Variants in IL1RAPL1 observed in about 807,000 individuals in gnomAD.
IL1RAPL1 encodes the protein interleukin 1 receptor accessory protein like 1.
In IL1RAPL1, 3 loss-of-function variants were observed where a neutral mutation model predicts 48.4. The ratio of observed to expected loss-of-function variants is 0.06; its 90% confidence interval spans 0.03 to 0.16. The LOEUF is 0.16. Ranked by LOEUF, IL1RAPL1 falls within the 10% of genes least tolerant of loss-of-function variation. IL1RAPL1 has a pLI of 1.00. For synonymous variants in IL1RAPL1, 185 were observed against 187.7 expected (o/e 0.99, Z 0.12); for missense variants, 349 against 530.6 (o/e 0.66, Z 3.36).
intron 3 of IL1RAPL1, among the ~76,000 whole-genome samples, chrX:29,359,573 T>G (rs1253739200): frequency 8.9e-6 from 1 of 111,834 alleles, no homozygotes; most frequent in African/African-American, 3.3e-5. Context: ...TTTACATGGT[T>G]TTTTGTGTGT....
Position 29,955,571 on chromosome X carries a change from G to C in IL1RAPL1, c.1842G>C (p.Thr614=). 8.3e-7 allele frequency: 1 copy of C among 1,205,785 alleles called. No individual in the cohort carries two copies. The highest frequency in any genetic ancestry group is 1.1e-6 in the Non-Finnish European group (1 of 891,950). ...HPDLRSTFHN[T]YHSQMRQKHY... ...ATCTCCGTTCTACCTTTCACAACAC[G>C]TACCATTCACAAATGCGTCAGAAAC... Residue 614 remains threonine, a synonymous_variant, in exon 11 of 11, where the codon ACG becomes ACC. Transcript: ENST00000378993.
intron 2 of IL1RAPL1, among the ~76,000 whole-genome samples, chrX:28,926,570 T>C (rs1453598890): frequency 9.0e-6 from 1 of 111,621 alleles, no homozygotes; most frequent in Non-Finnish European, 1.9e-5. Flanking sequence ...TAAGTTGTGG[T>C]TTACAGGCTT....
At chrX:29,168,689 G>GTATATATATATTCATATATA (rs1569250888) in intron 2 of IL1RAPL1, among the ~76,000 whole-genome samples, 1 of 29,807 alleles carries the variant, frequency 3.4e-5, no homozygotes, top group African/African-American at 8.6e-5. Flanking sequence ...ATATTCATAT[G>GTATATATATATTCATATATA]TACAATTGTA....
At position 28,957,241 on chromosome X, in the gene IL1RAPL1, A is replaced by ACCTG. The variant is rs751028139; in HGVS notation, c.82+167818_82+167821dup. 4.6e-3 allele frequency among the ~76,000 whole-genome samples: 510 copies of ACCTG among 111,677 alleles called. 4 individuals are homozygous for ACCTG. Among genetic ancestry groups the ACCTG allele is most frequent in the African/African-American group, 0.016 (480 of 30,738 alleles). On this transcript the variant is annotated intron_variant, in intron 2 of 10. Transcript: ENST00000378993. ...TGGCACATGTATACATATGTAACTAACCTGCACAATGTGCACATGTACCCT... is the reference window on the plus strand; with the variant it reads ...TGGCACATGTATACATATGTAACTAACCTGCCTGCACAATGTGCACATGTACCCT...
intron 2 of IL1RAPL1, among the ~76,000 whole-genome samples, chrX:28,804,885 G>A (rs1338362831): frequency 1.8e-5 from 2 of 111,277 alleles, no homozygotes; most frequent in Non-Finnish European, 3.8e-5. Context: ...AGTTTGATAT[G>A]GATGGAATAC....
chrX:29,361,033 A>G (rs959693729), intron 3 of IL1RAPL1, among the ~76,000 whole-genome samples: 1 of 111,674 alleles, frequency 9.0e-6, no homozygotes, highest in African/African-American at 3.3e-5. Flanking sequence ...GATGCATACC[A>G]TCTCACACAA....
chrX:28,812,308 T>A (rs1601913718), intron 2 of IL1RAPL1, among the ~76,000 whole-genome samples: 2 of 111,055 alleles, frequency 1.8e-5, no homozygotes, highest in African/African-American at 6.5e-5. Context: ...AATTCAATTA[T>A]ATTGATTTGC....
intron 2 of IL1RAPL1, among the ~76,000 whole-genome samples, chrX:28,921,565 G>A (rs1016335478): frequency 5.4e-5 from 6 of 111,031 alleles, no homozygotes; most frequent in African/African-American, 2.0e-4. Flanking sequence ...CTTGCTGTGG[G>A]CAGCTAGCTG....
At chrX:28,912,922 A>G (rs759276462) in intron 2 of IL1RAPL1, among the ~76,000 whole-genome samples, 1 of 111,824 alleles carries the variant, frequency 8.9e-6, no homozygotes, top group Non-Finnish European at 1.9e-5. Context: ...TGTTTCCATT[A>G]AAAAGGTTTT....
At chrX:29,324,193 G>A (rs1932829142) in intron 3 of IL1RAPL1, among the ~76,000 whole-genome samples, 1 of 111,148 alleles carries the variant, frequency 9.0e-6, no homozygotes, top group Non-Finnish European at 1.9e-5. Flanking sequence ...CTTATCTCAT[G>A]TAGGAATGGA....
chrX:29,109,877 A>G (rs1928526386), intron 2 of IL1RAPL1, among the ~76,000 whole-genome samples: 1 of 112,017 alleles, frequency 8.9e-6, no homozygotes, highest in Admixed American at 9.5e-5. Context: ...AATTTCCAAT[A>G]TTAGATTACA....
At chrX:28,892,522 A>T (rs1262195636) in intron 2 of IL1RAPL1, among the ~76,000 whole-genome samples, 1 of 111,403 alleles carries the variant, frequency 9.0e-6, no homozygotes, top group Non-Finnish European at 1.9e-5. Flanking sequence ...CCGGATGTAT[A>T]TGTGTAGGTC....
chrX:29,535,112 C>A (rs1227003976), intron 5 of IL1RAPL1, among the ~76,000 whole-genome samples: 1 of 69,443 alleles, frequency 1.4e-5, no homozygotes, highest in Non-Finnish European at 2.4e-5. Context: ...CCAGCCTGGG[C>A]AATGGAGTCA....
chrX:28,702,257 G>A (rs1029586042), intron 1 of IL1RAPL1, among the ~76,000 whole-genome samples: 1 of 111,217 alleles, frequency 9.0e-6, no homozygotes, highest in South Asian at 3.7e-4. Flanking sequence ...AGGGTCAATG[G>A]GATCTTCAAA....
intron 2 of IL1RAPL1, among the ~76,000 whole-genome samples, chrX:28,842,308 G>A (rs1921393923): frequency 9.0e-6 from 1 of 111,075 alleles, no homozygotes; most frequent in Admixed American, 9.6e-5. Context: ...TTAAAATATG[G>A]CTATGTAAAA....
chrX:29,747,750 C>T lies in IL1RAPL1; in HGVS notation c.778+79246C>T, dbSNP rs748308132. 6.0e-4 allele frequency among the ~76,000 whole-genome samples: 67 copies of T among 112,576 alleles called. 1 individual carries two copies. The Middle Eastern group carries it at 0.014, about 23-fold the overall frequency. On this transcript the variant is annotated intron_variant, in intron 6 of 10. Transcript: ENST00000378993. ...AAAAAGTGGCTTTAAGAAAAAATAGCAAATTAAATTAATTCATAAGCTATT... is the reference window on the plus strand; with the variant it reads ...AAAAAGTGGCTTTAAGAAAAAATAGTAAATTAAATTAATTCATAAGCTATT...
At chrX:29,911,616 A>T (rs1194567539) in intron 6 of IL1RAPL1, among the ~76,000 whole-genome samples, 2 of 112,395 alleles carry the variant, frequency 1.8e-5, no homozygotes, top group African/African-American at 6.5e-5. Context: ...TTAGCTAATA[A>T]AACAATGGAG....
At chrX:29,124,221 ATAAT>A (rs1172479733) in intron 2 of IL1RAPL1, among the ~76,000 whole-genome samples, 13 of 112,280 alleles carry the variant, frequency 1.2e-4, no homozygotes, top group African/African-American at 1.6e-4. Context: ...TCCTTGGAAA[ATAAT>A]TGATCCAGAG....
At chrX:29,893,782 T>C (rs776019306) in intron 6 of IL1RAPL1, among the ~76,000 whole-genome samples, 1 of 111,451 alleles carries the variant, frequency 9.0e-6, no homozygotes, top group Non-Finnish European at 1.9e-5. Flanking sequence ...TGATTTCAGA[T>C]CCTATTTTCC....
Sources: allele counts gnomAD v4.1 joint callset (sites outside exome capture counted in the v4.1 genomes callset), GRCh38; gene constraint gnomAD v4.1.1; transcripts MANE v1.5; gene names NCBI Gene and HGNC (gene_info 2026-07-23, HGNC 2026-07-21).